Variants in HELZ observed in about 807,000 individuals in gnomAD.
HELZ encodes the protein ATP-dependent RNA helicase with zinc finger domain.
Under a neutral mutation model 218.2 loss-of-function variants are expected in HELZ, and 23 were observed. The observed-to-expected ratio is 0.11, with a 90% CI of 0.08 to 0.15. The LOEUF is 0.15. Ranked by LOEUF, HELZ falls within the 10% of genes least tolerant of loss-of-function variation. HELZ has a pLI of 1.00. For synonymous variants in HELZ, 814 were observed against 829.4 expected, an observed-to-expected ratio of 0.98 and a Z score of 0.32; for missense variants, 1,813 against 2,353.7, an observed-to-expected ratio of 0.77 and a Z score of 4.75.
In HELZ at chr17:67,104,039, A is replaced by G. The variant is rs112536105; in HGVS notation, c.5241+3130T>C. 3.9e-3 allele frequency among the ~76,000 whole-genome samples: 592 copies of G among 152,332 alleles called. 5 individuals carry two copies. Among genetic ancestry groups the G allele is most frequent in the African/African-American group, 0.013 (561 of 41,580 alleles). On this transcript the variant is annotated intron_variant, in intron 31 of 32. Coordinates refer to ENST00000358691, the MANE Select transcript of HELZ (RefSeq NM_014877.4). The stretch of plus-strand genomic sequence containing the variant: ...GGTGCTGAGAAAACTGTATGGCCAC[A>G]TGCAAAAGAATGAATTTGATACCCA...
chr17:67,176,246 T>C (rs2039453642), intron 13 of HELZ: 1 of 152,192 alleles, frequency 6.6e-6, no homozygotes, highest in African/African-American at 2.4e-5. Context: ...TAGGCATCTA[T>C]AAAAAATTAG....
rs183650326 is a variant in HELZ at position 67,133,308 on chromosome 17, A to G, written c.3182+2662T>C. Among the ~76,000 whole-genome samples, 833 of 152,316 alleles carry G rather than the reference A, an allele frequency of 5.5e-3. 8 individuals carry two copies. Among genetic ancestry groups the G allele is most frequent in the South Asian group, 6.8e-3 (33 of 4,830 alleles). ...AAATTAGCCCTGGATAATTCTGAGA[A>G]CATGGCCTCAGGAAGAATTATTCAC... is the stretch of plus-strand genomic sequence containing the variant. On this transcript the variant is annotated intron_variant, in intron 23 of 32. Coordinates refer to ENST00000358691, the MANE Select transcript of HELZ (RefSeq NM_014877.4).
rs1382072573 is a variant in HELZ at position 67,108,845 on chromosome 17, T to C, written c.4490-119A>G. On this transcript the variant is annotated intron_variant, in intron 29 of 32. Transcript: ENST00000358691. The surrounding 1 kb of genome is among the most constrained non-coding windows in gnomAD (Gnocchi z 4.1). ...AAGGACGTAGCTACAAATTTGGTTT[T>C]GGTAAGAAGTAAATGTTTTCTAAAT... 2.8e-5 allele frequency: 23 copies of C among 813,414 alleles called. No individual in the cohort carries two copies. Among genetic ancestry groups the C allele is most frequent in the Non-Finnish European group, 3.8e-5 (20 of 532,086 alleles). 50.4% of individuals were successfully genotyped at this position (813,414 alleles called of 1,614,324 possible).
Position 67,227,226 on chromosome 17 carries a change from TC to T in HELZ, c.-18-8405del, listed in dbSNP as rs1296938629. ...TTTTTTTTTTAAGATGGAGTCTCACTCTGTCGCCCAGGTTGGAGTGCAGTGG... is the reference window on the plus strand; with the variant it reads ...TTTTTTTTTTAAGATGGAGTCTCACTTGTCGCCCAGGTTGGAGTGCAGTGG... On this transcript the variant is annotated intron_variant, in intron 3 of 32. Transcript: ENST00000358691. Among the ~76,000 whole-genome samples, 3 of 151,678 alleles carry T rather than the reference TC, an allele frequency of 2.0e-5. No individual in the cohort carries two copies. The South Asian group carries it at 6.3e-4, about 32-fold the overall frequency.
chr17:67,145,939 T>C, intron 20 of HELZ, 49 bp from the exon 21 acceptor site: 1 of 1,533,634 alleles, frequency 6.5e-7, no homozygotes, highest in Non-Finnish European at 8.8e-7. Context: ...ACATCAAAAT[T>C]AATTTCACCC....
chr17:67,107,292 A>G lies in HELZ; in HGVS notation c.5118T>C (p.Pro1706=). 2 of 1,614,198 alleles carry G rather than the reference A, an allele frequency of 1.2e-6. No individual in the cohort carries two copies. The highest frequency in any genetic ancestry group is 1.7e-6 in the Non-Finnish European group (2 of 1,180,044). ...CAAAAGGGTTCTGCGGTGGCCTGTG[A>G]GGCAATGGAGGTAGGCCATAGGGAA... ...PGFPYGLPPL[P]HRPPQNPFVQ... The change falls in exon 31 of 33, where the codon CCT becomes CCC. Residue 1706 remains proline (P), a synonymous_variant. Transcript: ENST00000358691.
intron 27 of HELZ, chr17:67,120,148 C>T (rs1284042909): frequency 7.7e-6 from 3 of 387,188 alleles, no homozygotes; most frequent in African/African-American, 6.3e-5. Flanking sequence ...GGACTACAGG[C>T]ACCCGCCACC....
At position 67,109,119 on chromosome 17, in the gene HELZ, A is replaced by C. The variant is rs1427460392; in HGVS notation, c.4486T>G (p.Leu1496Val). Reference sequence around the variant, plus strand: ...ATCTGGCAGTAATAGAACTTACCTAAAGCCTCCCCTATAGGTAATCCCGAG... The same window carrying C: ...ATCTGGCAGTAATAGAACTTACCTACAGCCTCCCCTATAGGTAATCCCGAG... ...NPSGLPIGEA[L>V]DRIHGSVALE... The change falls in exon 29 of 33, where the codon TTA (leucine) becomes GTA (valine). Residue 1496 changes from leucine to valine, a missense_variant. By Grantham distance (32) the Leu-to-Val change is conservative. Transcript: ENST00000358691. The C allele has an allele frequency of 1.5e-5, 24 of 1,599,160 alleles. No individual in the cohort carries two copies. Among genetic ancestry groups the C allele is most frequent in the Middle Eastern group, 2.0e-4 (1 of 5,104 alleles).
At chr17:67,123,929 A>T in intron 25 of HELZ, 34 bp downstream of exon 25, 1 of 1,527,482 alleles carries the variant, frequency 6.5e-7, no homozygotes, top group Non-Finnish European at 9.1e-7. Context: ...TACATCATAA[A>T]AGCAAGTTTT....
Position 67,188,667 on chromosome 17 carries a change from A to G in HELZ, c.865-51T>C, listed in dbSNP as rs747229557. 5 of 1,426,362 alleles carry G rather than the reference A, an allele frequency of 3.5e-6. No individual in the cohort carries two copies. The highest frequency in any genetic ancestry group is 4.8e-6 in the Non-Finnish European group (5 of 1,032,556). The allele number at this position is 1,426,362 out of a possible 1,614,324, so 88.4% of individuals were successfully genotyped here. On this transcript the variant is annotated intron_variant, in intron 11 of 32. Coordinates refer to ENST00000358691, the MANE Select transcript of HELZ (RefSeq NM_014877.4). The surrounding 1 kb of genome is among the most constrained non-coding windows in gnomAD (Gnocchi z 4.1). ...TGAGTACAAGGGGGTGAAAAATCCAATTGTAATTGGGCTCTTCAATGAAAA... is the reference window on the plus strand; with the variant it reads ...TGAGTACAAGGGGGTGAAAAATCCAGTTGTAATTGGGCTCTTCAATGAAAA...
At chr17:67,089,668 T>TATATATATATAGAGAGAGAG (rs71293575) in intron 31 of HELZ, among the ~76,000 whole-genome samples, 14 of 70,632 alleles carry the variant, frequency 2.0e-4, no homozygotes, top group East Asian at 5.1e-4. Flanking sequence ...TATATATATA[T>TATATATATATAGAGAGAGAG]AGAGAGAGAG....
intron 13 of HELZ, among the ~76,000 whole-genome samples, chr17:67,174,746 G>A (rs970046126): frequency 4.6e-5 from 7 of 152,030 alleles, no homozygotes; most frequent in African/African-American, 9.7e-5. Context: ...TCTGGTGAGC[G>A]AGACTGCACC....
At chr17:67,125,104 A>T (rs1163795034) in intron 24 of HELZ, among the ~76,000 whole-genome samples, 1 of 151,416 alleles carries the variant, frequency 6.6e-6, no homozygotes, top group African/African-American at 2.4e-5. Flanking sequence ...TGTTGGAAAG[A>T]GCAAATATTC....
At chr17:67,097,108 G>C (rs564191562) in intron 31 of HELZ, among the ~76,000 whole-genome samples, 1 of 152,164 alleles carries the variant, frequency 6.6e-6, no homozygotes, top group African/African-American at 2.4e-5. Flanking sequence ...GAGACCCAAG[G>C]AGACTAAGTG....
intron 16 of HELZ, 57 bp downstream of exon 16, chr17:67,160,840 C>G: frequency 1.6e-6 from 2 of 1,274,804 alleles, no homozygotes; most frequent in Non-Finnish European, 2.1e-6. Flanking sequence ...GTATTTAAAA[C>G]AAGAACAGAG....
chr17:67,144,948 T>G (rs1303937533), intron 21 of HELZ, among the ~76,000 whole-genome samples: 1 of 152,224 alleles, frequency 6.6e-6, no homozygotes, highest in Non-Finnish European at 1.5e-5. Context: ...CTGATGATTT[T>G]TTTGTACTGA....
At chr17:67,102,578 T>C (rs1305290450) in intron 31 of HELZ, among the ~76,000 whole-genome samples, 1 of 152,222 alleles carries the variant, frequency 6.6e-6, no homozygotes, top group Non-Finnish European at 1.5e-5. Flanking sequence ...GGAAAAGCCT[T>C]TTCTTTGTTG....
At position 67,077,933 on chromosome 17, in the gene HELZ, C is replaced by CTTTTTTT. The variant is rs573432295; in HGVS notation, c.*312_*318dup. On this transcript the variant is annotated 3_prime_UTR_variant, in exon 33 of 33. Coordinates refer to ENST00000358691, the MANE Select transcript of HELZ (RefSeq NM_014877.4). Reference sequence around the variant, plus strand: ...TTAAATACATTTTAGACAAACTTTTCTTTTTTTTTTTTTTTTTATAGTTGC... The same window carrying CTTTTTTT: ...TTAAATACATTTTAGACAAACTTTTCTTTTTTTTTTTTTTTTTTTTTTTTATAGTTGC... 2 of 129,448 alleles carry CTTTTTTT rather than the reference C, an allele frequency of 1.5e-5. No homozygotes were observed. The highest frequency in any genetic ancestry group is 5.8e-5 in the African/African-American group (2 of 34,456). The allele number at this position is 129,448 out of a possible 1,614,324, so 8.0% of individuals were successfully genotyped here.
chr17:67,149,740 A>T, intron 19 of HELZ, 127 bp downstream of exon 19: 1 of 525,792 alleles, frequency 1.9e-6, no homozygotes. Flanking sequence ...CTATTAGTAC[A>T]GAACTATTTG....
Sources: allele counts gnomAD v4.1 joint callset (sites outside exome capture counted in the v4.1 genomes callset), GRCh38; gene constraint gnomAD v4.1.1; non-coding constraint Gnocchi (gnomAD v3.1); transcripts MANE v1.5; gene names NCBI Gene and HGNC (gene_info 2026-07-23, HGNC 2026-07-21).